RFX3: variants seen among roughly 807,000 people sequenced by gnomAD.
RFX3 encodes regulatory factor X3.
In RFX3, 14 loss-of-function variants were observed where a neutral mutation model predicts 98.6. The observed-to-expected ratio is 0.14, with a 90% CI of 0.09 to 0.22. The LOEUF (loss-of-function observed/expected upper bound fraction) is 0.22, where lower values mean the gene tolerates loss of function less well. Among genes scored for constraint, RFX3 ranks in the 10% least tolerant of loss-of-function variants. The probability of loss-of-function intolerance (pLI) is 1.00; values close to 1 mark genes in which losing one functional copy is unlikely to be tolerated. For missense variants in RFX3, 639 were observed against 926.9 expected (o/e 0.69, Z 4.03); for synonymous variants, 383 against 328.4 (o/e 1.17, Z -1.80).
chr9:3,376,935 C>A (rs984427941), intron 2 of RFX3, among the ~76,000 whole-genome samples: 1 of 152,112 alleles, frequency 6.6e-6, no homozygotes, highest in African/African-American at 2.4e-5. Context: ...ATTAAAAAGT[C>A]AGGAAACAAC....
At chr9:3,264,469 G>C (rs533447888) in intron 12 of RFX3, among the ~76,000 whole-genome samples, 49 of 152,144 alleles carry the variant, frequency 3.2e-4, no homozygotes, top group African/African-American at 1.1e-3. Context: ...GGAACTTGGG[G>C]GGAAGCTCAT....
At chr9:3,443,809 T>C (rs1370478563) in intron 1 of RFX3, among the ~76,000 whole-genome samples, 2 of 152,218 alleles carry the variant, frequency 1.3e-5, no homozygotes, top group Non-Finnish European at 2.9e-5. Flanking sequence ...TGAACTAATT[T>C]ACACTCCCAC....
intron 5 of RFX3, among the ~76,000 whole-genome samples, chr9:3,297,842 A>C (rs577279002): frequency 2.0e-5 from 3 of 151,956 alleles, no homozygotes; most frequent in Non-Finnish European, 4.4e-5. Flanking sequence ...AGAAATGTAC[A>C]ACCTTAAATT....
intron 5 of RFX3, among the ~76,000 whole-genome samples, chr9:3,294,343 T>C (rs185896560): frequency 6.6e-6 from 1 of 152,216 alleles, no homozygotes; most frequent in Admixed American, 6.5e-5. Flanking sequence ...ACAGGTGTAA[T>C]AAAGAGCTGA....
intron 1 of RFX3, among the ~76,000 whole-genome samples, chr9:3,517,286 AGAAATAGAGT>A (rs1439928600): frequency 6.6e-6 from 1 of 152,204 alleles, no homozygotes; most frequent in Non-Finnish European, 1.5e-5. Context: ...TTTTACAGTT[AGAAATAGAGT>A]GAGAACCTTT....
At chr9:3,327,783 C>A (rs1028176786) in intron 4 of RFX3, among the ~76,000 whole-genome samples, 4 of 151,782 alleles carry the variant, frequency 2.6e-5, no homozygotes, top group Admixed American at 6.6e-5. Context: ...GTTTAATTTA[C>A]CAGTTAGTAT....
At chr9:3,509,214 G>A (rs914451774) in intron 1 of RFX3, among the ~76,000 whole-genome samples, 2 of 151,878 alleles carry the variant, frequency 1.3e-5, no homozygotes, top group Non-Finnish European at 2.9e-5. Context: ...ACTTAAGAGC[G>A]CTGCTACACT....
intron 1 of RFX3, among the ~76,000 whole-genome samples, chr9:3,514,123 A>C (rs780489320): frequency 6.6e-6 from 1 of 152,218 alleles, no homozygotes; most frequent in Non-Finnish European, 1.5e-5. Flanking sequence ...GTGAGACACT[A>C]TTAAAAATTG....
rs531965196 is a variant in RFX3 at position 3,239,017 on chromosome 9, G to A, written c.1968+9015C>T. Among the ~76,000 whole-genome samples the A allele has an allele frequency of 9.3e-5, 14 of 150,542 alleles. No individual in the cohort carries two copies. The East Asian group carries it at 2.5e-3, about 27-fold the overall frequency. On this transcript the variant is annotated intron_variant, in intron 15 of 16. Transcript: ENST00000617270. ...ATCTCAAAGAAAAAAAAAAAAAACA[G>A]AGATAATAAAACTGATTCAAAAAAG...
intron 1 of RFX3, among the ~76,000 whole-genome samples, chr9:3,443,396 C>T (rs1484252330): frequency 6.6e-6 from 1 of 152,152 alleles, no homozygotes; most frequent in Non-Finnish European, 1.5e-5. Flanking sequence ...TGTTGTTCCC[C>T]TCCATGTGTC....
At chr9:3,227,063 G>A (rs1021961545) in intron 16 of RFX3, among the ~76,000 whole-genome samples, 2 of 152,126 alleles carry the variant, frequency 1.3e-5, no homozygotes, top group African/African-American at 4.8e-5. Flanking sequence ...AAGAGGTCTG[G>A]GGGTAAATGG....
chr9:3,239,211 G>C (rs935865459), intron 15 of RFX3, among the ~76,000 whole-genome samples: 1 of 152,170 alleles, frequency 6.6e-6, no homozygotes, highest in Non-Finnish European at 1.5e-5. Flanking sequence ...TTGCAAGCGA[G>C]GAAAAGGTTG....
chr9:3,302,358 GATTATTA>G (rs1828767027), intron 4 of RFX3, among the ~76,000 whole-genome samples: 1 of 151,712 alleles, frequency 6.6e-6, no homozygotes, highest in Non-Finnish European at 1.5e-5. Flanking sequence ...TACCATGTAC[GATTATTA>G]ATTAAGTACC....
At chr9:3,325,417 A>G (rs1831797832) in intron 4 of RFX3, among the ~76,000 whole-genome samples, 1 of 152,104 alleles carries the variant, frequency 6.6e-6, no homozygotes, top group South Asian at 2.1e-4. Context: ...AATATTTTAC[A>G]TTAATCAAAA....
chr9:3,315,858 G>A (rs1452100006), intron 4 of RFX3, among the ~76,000 whole-genome samples: 1 of 152,052 alleles, frequency 6.6e-6, no homozygotes, highest in Non-Finnish European at 1.5e-5. Flanking sequence ...ACCAATAACA[G>A]GTTCCGAAAT....
chr9:3,409,535 C>A (rs1842278744), intron 1 of RFX3, among the ~76,000 whole-genome samples: 1 of 152,162 alleles, frequency 6.6e-6, no homozygotes, highest in Non-Finnish European at 1.5e-5. Context: ...CTATTCTATG[C>A]AGCATCATTT....
chr9:3,501,554 C>CTT lies in RFX3; in HGVS notation c.-9+24191_-9+24192dup, dbSNP rs1051300818. On this transcript the variant is annotated intron_variant, in intron 1 of 16. Transcript: ENST00000617270. Reference sequence around the variant, plus strand: ...CAAAAAGATACATATTTTTTTCCTTCTTTTTTTTTTTTTTTTTTTTGAGAT... The same window carrying CTT: ...CAAAAAGATACATATTTTTTTCCTTCTTTTTTTTTTTTTTTTTTTTTTGAGAT... Among the ~76,000 whole-genome samples, 128 of 122,594 alleles carry CTT rather than the reference C, an allele frequency of 1.0e-3. 2 individuals carry two copies. The highest frequency in any genetic ancestry group is 1.8e-3 in the African/African-American group (57 of 32,548). The allele number at this position is 122,594 out of a possible 152,430, so 80.4% of individuals were successfully genotyped here. A position where few individuals can be genotyped will look rare whatever the true frequency, so the allele number is the denominator to read the frequency against.
chr9:3,220,587 A>G lies in RFX3; in HGVS notation c.*4455T>C, dbSNP rs943695669. The G allele has an allele frequency of 2.6e-5, 4 of 152,020 alleles. No homozygotes were observed. Among genetic ancestry groups the G allele is most frequent in the African/African-American group, 9.7e-5 (4 of 41,408 alleles). The allele number at this position is 152,020 out of a possible 1,614,324, so 9.4% of individuals were successfully genotyped here. A position where few individuals can be genotyped will look rare whatever the true frequency, so the allele number is the denominator to read the frequency against. ...CAAGCCCTCTTGAAGAAAAATTAAG[A>G]GTTGTATATAAAATGCAAGTGTTCG... On this transcript the variant is annotated 3_prime_UTR_variant, in exon 17 of 17. Transcript: ENST00000617270.
intron 2 of RFX3, among the ~76,000 whole-genome samples, chr9:3,385,793 T>A (rs1333686960): frequency 9.2e-5 from 14 of 152,102 alleles, no homozygotes; most frequent in Admixed American, 9.2e-4. Flanking sequence ...AGTTTAAGCC[T>A]TTTCTAACTA....
Sources: allele counts gnomAD v4.1 joint callset (sites outside exome capture counted in the v4.1 genomes callset), GRCh38; gene constraint gnomAD v4.1.1; transcripts MANE v1.5; gene names NCBI Gene and HGNC (gene_info 2026-07-23, HGNC 2026-07-21).